SFXN5: variants seen among roughly 807,000 people sequenced by gnomAD.
SFXN5 encodes the protein sideroflexin 5, also known as sideroflexin-5.
SFXN5 carries 43 observed loss-of-function variants against 50.2 expected under a neutral mutation model. The ratio of observed to expected loss-of-function variants is 0.86; its 90% CI spans 0.67 to 1.11. SFXN5 has a LOEUF of 1.11. SFXN5 is among the 50% of genes least tolerant of loss of function. The probability of loss-of-function intolerance (pLI) is 0.00; values close to 1 mark genes in which losing one functional copy is unlikely to be tolerated. For missense variants in SFXN5, 463 were observed against 454.1 expected (o/e 1.02, Z -0.18); for synonymous variants, 203 against 185.8 (o/e 1.09, Z -0.75).
At chr2:72,985,295 C>T (rs890607848) in intron 10 of SFXN5, among the ~76,000 whole-genome samples, 1 of 152,102 alleles carries the variant, frequency 6.6e-6, no homozygotes, top group Non-Finnish European at 1.5e-5. Context: ...CGGAGACCTG[C>T]AGTGAACCCC....
At chr2:73,001,399 T>G (rs1023083188) in intron 7 of SFXN5, 126 bp downstream of exon 7, 5 of 899,326 alleles carry the variant, frequency 5.6e-6, no homozygotes, top group East Asian at 2.5e-5. Context: ...GGGCTAGGGG[T>G]GGTGTTGGGG....
intron 13 of SFXN5, among the ~76,000 whole-genome samples, chr2:72,952,453 C>T (rs189402741): frequency 1.8e-4 from 28 of 152,296 alleles, no homozygotes; most frequent in Admixed American, 9.1e-4. Flanking sequence ...CCAGGCAGCT[C>T]GGTATCCCTA....
In SFXN5 at chr2:72,977,511, C is replaced by G. The variant is rs535022278; in HGVS notation, c.626-5826G>C. ...TTTCTAGATCTGAGGAAAAAAAAAT[C>G]TGCAGGAGTTCTTTATAGGTTTTGG... On this transcript the variant is annotated intron_variant, in intron 10 of 13. Transcript: ENST00000272433. Among the ~76,000 whole-genome samples the G allele has an allele frequency of 2.0e-5, 3 of 152,214 alleles. No homozygotes were observed. In the East Asian group the frequency reaches 5.8e-4, roughly 29 times the overall value.
At chr2:73,052,454 C>G (rs1292954778) in intron 2 of SFXN5, among the ~76,000 whole-genome samples, 1 of 151,748 alleles carries the variant, frequency 6.6e-6, no homozygotes, top group Non-Finnish European at 1.5e-5. Context: ...GTCTTTTCCC[C>G]TACTCTGTAT....
chr2:73,038,564 G>C (rs1679246334), intron 3 of SFXN5, among the ~76,000 whole-genome samples: 1 of 152,206 alleles, frequency 6.6e-6, no homozygotes, highest in Non-Finnish European at 1.5e-5. Context: ...GAGAGTTTGA[G>C]GTTATAGTGA....
At chr2:73,045,121 A>G (rs1216841798) in intron 2 of SFXN5, among the ~76,000 whole-genome samples, 1 of 152,234 alleles carries the variant, frequency 6.6e-6, no homozygotes, top group Non-Finnish European at 1.5e-5. Context: ...TACACATGCT[A>G]GAAACATGGG....
At chr2:72,966,100 T>C (rs1205883054) in intron 12 of SFXN5, among the ~76,000 whole-genome samples, 1 of 152,146 alleles carries the variant, frequency 6.6e-6, no homozygotes, top group Non-Finnish European at 1.5e-5. Context: ...TCAGTTGCAG[T>C]GTGATGTGGT....
At chr2:72,967,827 C>T (rs1016003667) in intron 12 of SFXN5, among the ~76,000 whole-genome samples, 8 of 152,148 alleles carry the variant, frequency 5.3e-5, no homozygotes, top group East Asian at 3.9e-4. Context: ...AGTTTCAGTC[C>T]GCCCCTTCAG....
intron 10 of SFXN5, among the ~76,000 whole-genome samples, chr2:72,975,822 G>C (rs1670559208): frequency 6.6e-6 from 1 of 152,232 alleles, no homozygotes; most frequent in Non-Finnish European, 1.5e-5. Context: ...ACATGCAGAA[G>C]ATCGTCTGCC....
intron 3 of SFXN5, among the ~76,000 whole-genome samples, chr2:73,027,442 G>C (rs1461675390): frequency 2.0e-5 from 3 of 152,206 alleles, no homozygotes; most frequent in African/African-American, 7.2e-5. Flanking sequence ...TTATGAAGTA[G>C]AGCTACAGTA....
At chr2:73,060,861 G>A (rs987559703) in intron 1 of SFXN5, among the ~76,000 whole-genome samples, 10 of 151,852 alleles carry the variant, frequency 6.6e-5, no homozygotes, top group African/African-American at 2.2e-4. Context: ...CACCACGCCC[G>A]GCTTATTTTT....
chr2:73,015,823 A>G (rs892076668), intron 6 of SFXN5, among the ~76,000 whole-genome samples: 70 of 151,936 alleles, frequency 4.6e-4, no homozygotes, highest in African/African-American at 1.5e-3. Context: ...TGTAATCCCA[A>G]CACTTTGGGA....
intron 13 of SFXN5, among the ~76,000 whole-genome samples, chr2:72,946,227 C>T (rs1436485680): frequency 6.6e-6 from 1 of 152,088 alleles, no homozygotes. Context: ...GACACCTCCC[C>T]TTCATCCCAA....
chr2:73,045,891 C>T (rs1252304911), intron 2 of SFXN5, among the ~76,000 whole-genome samples: 8 of 152,084 alleles, frequency 5.3e-5, no homozygotes, highest in Non-Finnish European at 1.0e-4. Context: ...CAGAAGCCCA[C>T]CCTATGAGAT....
chr2:72,977,351 T>A (rs1385532207), intron 10 of SFXN5, among the ~76,000 whole-genome samples: 1 of 152,152 alleles, frequency 6.6e-6, no homozygotes, highest in African/African-American at 2.4e-5. Flanking sequence ...ATCCATACGA[T>A]GTATAAGAGC....
Position 73,040,944 on chromosome 2 carries a change from G to C in SFXN5, c.172-13C>G, listed in dbSNP as rs1166237335. On this transcript the variant is annotated splice_polypyrimidine_tract_variant and intron_variant, in intron 2 of 13. Coordinates refer to ENST00000272433, the MANE Select transcript of SFXN5 (RefSeq NM_144579.3). ...CTCTGAGACGTCTCTGCAGAAGAAA[G>C]AAAAGAGACATTGAGGGGCACAGAT... 1 of 1,610,288 alleles carries C rather than the reference G, an allele frequency of 6.2e-7. No individual in the cohort carries two copies. The highest frequency in any genetic ancestry group is 1.7e-5 in the Admixed American group (1 of 59,672).
chr2:73,000,369 G>T, intron 8 of SFXN5, 62 bp downstream of exon 8: 1 of 1,484,742 alleles, frequency 6.7e-7, no homozygotes, highest in Non-Finnish European at 9.2e-7. Context: ...CACGCTGTAG[G>T]GAGGATGACT....
At chr2:72,956,856 G>A (rs969246690) in intron 13 of SFXN5, 43 of 349,834 alleles carry the variant, frequency 1.2e-4, no homozygotes, top group Non-Finnish European at 1.7e-4. Flanking sequence ...TTCTCCCACA[G>A]TTCCCCATCT....
chr2:73,063,823 C>G (rs867386907), intron 1 of SFXN5, among the ~76,000 whole-genome samples: 1 of 152,164 alleles, frequency 6.6e-6, no homozygotes, highest in African/African-American at 2.4e-5. Flanking sequence ...TGTCTGTCCT[C>G]CCTGTCTGAT....
Sources: allele counts gnomAD v4.1 joint callset (sites outside exome capture counted in the v4.1 genomes callset), GRCh38; gene constraint gnomAD v4.1.1; transcripts MANE v1.5; gene names NCBI Gene and HGNC (gene_info 2026-07-23, HGNC 2026-07-21).